HS2ST1: variants seen among roughly 807,000 people sequenced by gnomAD.
HS2ST1 encodes the protein 2-O-sulfotransferase.
A neutral mutation model predicts 42.9 loss-of-function variants in HS2ST1; 18 were observed. That is an observed-to-expected ratio of 0.42 (90% confidence interval 0.29 to 0.62). The LOEUF (loss-of-function observed/expected upper bound fraction) is 0.62. Among genes scored for constraint, HS2ST1 ranks in the 20% least tolerant of loss-of-function variants. HS2ST1 has a pLI of 0.21. For missense variants in HS2ST1, 334 were observed against 433.8 expected, an observed-to-expected ratio of 0.77 and a Z score of 2.04; for synonymous variants, 146 against 152.9, an observed-to-expected ratio of 0.95 and a Z score of 0.33.
At chr1:87,048,100 C>T (rs1650733978) in intron 1 of HS2ST1, among the ~76,000 whole-genome samples, 1 of 152,044 alleles carries the variant, frequency 6.6e-6, no homozygotes, top group Admixed American at 6.6e-5. Flanking sequence ...TTTTTCTCAG[C>T]AGAGTTTTAT....
At chr1:87,087,443 G>A (rs1651841944) in intron 3 of HS2ST1, among the ~76,000 whole-genome samples, 1 of 152,138 alleles carries the variant, frequency 6.6e-6, no homozygotes, top group Admixed American at 6.5e-5. Context: ...CCCTAGAAAT[G>A]AGAATGAGTT....
At chr1:87,012,684 A>T (rs187882422) in intron 1 of HS2ST1, among the ~76,000 whole-genome samples, 133 of 152,304 alleles carry the variant, frequency 8.7e-4, no homozygotes, top group Middle Eastern at 3.4e-3. Flanking sequence ...GCATTAACTC[A>T]GAAGTCTACA....
At chr1:86,940,452 A>G (rs1234344975) in intron 1 of HS2ST1, among the ~76,000 whole-genome samples, 1 of 152,190 alleles carries the variant, frequency 6.6e-6, no homozygotes, top group Non-Finnish European at 1.5e-5. Context: ...TCATTTGAAT[A>G]TTTAGTTACT....
chr1:87,050,265 T>C (rs1385981156), intron 1 of HS2ST1, among the ~76,000 whole-genome samples: 20 of 152,074 alleles, frequency 1.3e-4, no homozygotes, highest in Non-Finnish European at 2.5e-4. Flanking sequence ...AATGTGCAAA[T>C]ATAAATGTTA....
intron 1 of HS2ST1, among the ~76,000 whole-genome samples, chr1:86,973,379 G>T (rs1380075466): frequency 6.6e-6 from 1 of 151,874 alleles, no homozygotes; most frequent in Non-Finnish European, 1.5e-5. Context: ...CTAGGGATGC[G>T]AAAATGAACA....
intron 1 of HS2ST1, among the ~76,000 whole-genome samples, chr1:86,990,453 C>T (rs1648909983): frequency 6.6e-6 from 1 of 151,962 alleles, no homozygotes; most frequent in South Asian, 2.1e-4. Context: ...TCAGCTTAGC[C>T]AGTGATTTTT....
At chr1:86,997,956 G>A (rs76252981) in intron 1 of HS2ST1, among the ~76,000 whole-genome samples, 22 of 152,286 alleles carry the variant, frequency 1.4e-4, no homozygotes, top group Admixed American at 5.9e-4. Flanking sequence ...ACCATGGGTC[G>A]TGAAACTGCA....
At chr1:86,978,778 T>C (rs895398121) in intron 1 of HS2ST1, among the ~76,000 whole-genome samples, 25 of 151,964 alleles carry the variant, frequency 1.6e-4, no homozygotes, top group African/African-American at 5.1e-4. Flanking sequence ...CAGGACTGTA[T>C]CTCAGTCCCT....
intron 1 of HS2ST1, among the ~76,000 whole-genome samples, chr1:86,969,389 C>CGT (rs144917709): frequency 5.9e-5 from 9 of 151,508 alleles, no homozygotes; most frequent in East Asian, 5.8e-4. Context: ...GCTTTATAAA[C>CGT]GTGTGTGTGT....
intron 2 of HS2ST1, among the ~76,000 whole-genome samples, chr1:87,083,738 G>T (rs1397049432): frequency 6.6e-6 from 1 of 151,786 alleles, no homozygotes; most frequent in East Asian, 1.9e-4. Flanking sequence ...AAATCATTTT[G>T]GTTTTAAATA....
At chr1:87,046,622 G>A (rs1650674819) in intron 1 of HS2ST1, 1 of 1,569,332 alleles carries the variant, frequency 6.4e-7, no homozygotes. Context: ...ACAAAGTCAA[G>A]GAGAAGAAAC....
intron 1 of HS2ST1, among the ~76,000 whole-genome samples, chr1:87,057,862 A>G (rs1557531000): frequency 6.6e-6 from 1 of 151,472 alleles, no homozygotes; most frequent in Admixed American, 6.5e-5. Flanking sequence ...AAAAAAGAAA[A>G]AGAGAGAGAA....
chr1:87,029,625 T>C (rs1232774023), intron 1 of HS2ST1, among the ~76,000 whole-genome samples: 2 of 152,230 alleles, frequency 1.3e-5, no homozygotes, highest in Non-Finnish European at 2.9e-5. Context: ...CACCATGTCA[T>C]GTACAGTTTC....
chr1:86,992,366 T>C (rs1648978803), intron 1 of HS2ST1, among the ~76,000 whole-genome samples: 1 of 151,960 alleles, frequency 6.6e-6, no homozygotes, highest in Admixed American at 6.5e-5. Context: ...CTCTTTCTTT[T>C]TTTTTTTTGT....
intron 1 of HS2ST1, among the ~76,000 whole-genome samples, chr1:87,020,857 TG>T (rs1557518191): frequency 6.6e-6 from 1 of 152,172 alleles, no homozygotes; most frequent in Non-Finnish European, 1.5e-5. Context: ...ACATATGAAT[TG>T]GGGGTCAGGG....
intron 4 of HS2ST1, among the ~76,000 whole-genome samples, chr1:87,094,790 A>C (rs771652304): frequency 6.6e-6 from 1 of 152,096 alleles, no homozygotes; most frequent in African/African-American, 2.4e-5. Flanking sequence ...CCCTGACTAT[A>C]ATAAGGCCTG....
At chr1:86,996,442 CAAAAAA>C (rs67401349) in intron 1 of HS2ST1, among the ~76,000 whole-genome samples, 3 of 112,896 alleles carry the variant, frequency 2.7e-5, no homozygotes, top group Admixed American at 1.8e-4. Context: ...AACTCTGTCT[CAAAAAA>C]AAAAAAAAAA....
intron 1 of HS2ST1, chr1:87,064,348 G>A (rs1651194344): frequency 2.7e-6 from 1 of 371,974 alleles, no homozygotes; most frequent in African/African-American, 2.1e-5. Context: ...GTAGTCTACT[G>A]TCTTCTCTTT....
At chr1:87,016,176 G>C (rs1281244987) in intron 1 of HS2ST1, among the ~76,000 whole-genome samples, 1 of 152,104 alleles carries the variant, frequency 6.6e-6, no homozygotes, top group Non-Finnish European at 1.5e-5. Flanking sequence ...TGCTTGTTTG[G>C]TTTTGGTTAT....
Sources: gnomAD v4.1 joint callset for allele counts (sites outside exome capture counted in the v4.1 genomes callset) on GRCh38, gnomAD v4.1.1 for gene constraint, MANE v1.5 for transcripts, NCBI Gene and HGNC (gene_info 2026-07-23, HGNC 2026-07-21) for gene names.